The following KAZN variants were observed in gnomAD, a reference collection of about 807,000 sequenced individuals.
KAZN encodes the protein kazrin, periplakin interacting protein.
KAZN carries 40 observed loss-of-function variants against 87.4 expected under a neutral mutation model. The ratio of observed to expected loss-of-function variants is 0.46; its 90% CI spans 0.36 to 0.60. KAZN has a LOEUF of 0.60. KAZN is among the 20% of genes least tolerant of loss of function. The pLI is 0.00. For missense variants in KAZN, 898 were observed against 1,073.9 expected (o/e 0.84, Z 2.29); for synonymous variants, 466 against 458.3 (o/e 1.02, Z -0.22).
rs531347521 is a variant in KAZN at position 14,212,700 on chromosome 1, A to G, written c.249+32108A>G. ...AGTTGACAGCCACCAGCACCAGTGCAAGTCAGGACATCTTACTATTTCTAA... is the reference window on the plus strand; with the variant it reads ...AGTTGACAGCCACCAGCACCAGTGCGAGTCAGGACATCTTACTATTTCTAA... On this transcript the variant is annotated intron_variant, in intron 2 of 16. Coordinates refer to the KAZN transcript ENST00000636203. 4.6e-5 allele frequency among the ~76,000 whole-genome samples: 7 copies of G among 152,306 alleles called. No individual in the cohort carries two copies. In the South Asian group the frequency reaches 1.5e-3, roughly 32 times the overall value.
intron 1 of KAZN, among the ~76,000 whole-genome samples, chr1:14,782,284 C>T (rs899255198): frequency 2.0e-5 from 3 of 151,914 alleles, no homozygotes; most frequent in Non-Finnish European, 2.9e-5. Context: ...CGGTGGTTCC[C>T]GCCTGTAATC....
intron 2 of KAZN, among the ~76,000 whole-genome samples, chr1:14,436,726 A>AC (rs1445281679): frequency 7.7e-5 from 10 of 130,546 alleles, no homozygotes; most frequent in African/African-American, 2.1e-4. Context: ...TCAAAAAAAA[A>AC]AAAAAAAAAA....
intron 1 of KAZN, chr1:14,930,011 T>A: frequency 6.1e-6 from 6 of 985,522 alleles, no homozygotes; most frequent in Non-Finnish European, 7.2e-6. Context: ...GGCACCCAGT[T>A]TGGAGGAAAT....
At chr1:14,677,768 A>G (rs1405989776) in intron 1 of KAZN, among the ~76,000 whole-genome samples, 1 of 152,198 alleles carries the variant, frequency 6.6e-6, no homozygotes, top group Non-Finnish European at 1.5e-5. Context: ...CTAAGTCCAG[A>G]ATAGCCAGGG....
chr1:14,341,306 C>A (rs1260210526), intron 2 of KAZN, among the ~76,000 whole-genome samples: 2 of 152,198 alleles, frequency 1.3e-5, no homozygotes, highest in African/African-American at 4.8e-5. Flanking sequence ...TGTGATTTAT[C>A]AGATGTGACA....
intron 8 of KAZN, among the ~76,000 whole-genome samples, chr1:15,092,875 A>G (rs1036377460): frequency 2.0e-5 from 3 of 151,812 alleles, no homozygotes; most frequent in Non-Finnish European, 4.4e-5. Context: ...CCTTGATGCA[A>G]CGAACCATAT....
intron 8 of KAZN, among the ~76,000 whole-genome samples, chr1:15,086,888 A>G (rs1474221591): frequency 1.3e-5 from 2 of 152,264 alleles, no homozygotes; most frequent in African/African-American, 4.8e-5. Flanking sequence ...AGAATACCTC[A>G]GAATTATCTG....
chr1:14,623,598 C>T (rs1294715426), intron 1 of KAZN, among the ~76,000 whole-genome samples: 1 of 152,190 alleles, frequency 6.6e-6, no homozygotes, highest in African/African-American at 2.4e-5. Flanking sequence ...AACAAGCCTG[C>T]ACATGTACCC....
At chr1:14,419,199 G>A (rs1370033636) in intron 2 of KAZN, among the ~76,000 whole-genome samples, 3 of 152,212 alleles carry the variant, frequency 2.0e-5, no homozygotes, top group Admixed American at 6.5e-5. Flanking sequence ...TCTTTGCAGT[G>A]ACGCTGTGAG....
rs115110793 is a variant in KAZN at position 14,052,084 on chromosome 1, C to T, written c.92-128351C>T. On this transcript the variant is annotated intron_variant, in intron 1 of 16. Transcript: ENST00000636203. The stretch of plus-strand genomic sequence containing the variant: ...CTGTCCTCTTCCCTGCTGGAGAATA[C>T]GCTCCTTGATTCAGGACCCAAATCT... Among the ~76,000 whole-genome samples, 1,399 of 152,264 alleles carry T rather than the reference C, an allele frequency of 9.2e-3. 26 individuals are homozygous for T. Among genetic ancestry groups the T allele is most frequent in the African/African-American group, 0.031 (1,298 of 41,540 alleles).
intron 2 of KAZN, among the ~76,000 whole-genome samples, chr1:14,337,765 G>A (rs1374285731): frequency 6.6e-6 from 1 of 151,910 alleles, no homozygotes; most frequent in African/African-American, 2.4e-5. Flanking sequence ...GTGGTGGCGC[G>A]CATCTGTAAT....
chr1:14,702,365 T>TGTGTGTGTGTGG (rs1641975815), intron 1 of KAZN, among the ~76,000 whole-genome samples: 1 of 151,372 alleles, frequency 6.6e-6, no homozygotes. Flanking sequence ...TGTGTGTGTG[T>TGTGTGTGTGTGG]GGATTTCTCT....
intron 2 of KAZN, among the ~76,000 whole-genome samples, chr1:14,281,295 A>G (rs1172260752): frequency 3.3e-5 from 5 of 152,184 alleles, no homozygotes; most frequent in African/African-American, 1.2e-4. Context: ...GGCAAAGGCA[A>G]TTGAGGTGCA....
chr1:14,984,996 C>A (rs12747220), intron 2 of KAZN, among the ~76,000 whole-genome samples: 1 of 151,828 alleles, frequency 6.6e-6, no homozygotes, highest in African/African-American at 2.4e-5. Context: ...ATTAGCCAGG[C>A]GTGGTGGTGC....
chr1:14,507,894 G>C (rs1368375792), intron 2 of KAZN, among the ~76,000 whole-genome samples: 1 of 152,012 alleles, frequency 6.6e-6, no homozygotes, highest in African/African-American at 2.4e-5. Context: ...GTGAACCCGG[G>C]AGGTGGAGCT....
rs1359066434 is a variant in KAZN, at chr1:14,599,189, G to A, written c.192G>A (p.Ala64=). 5.7e-6 allele frequency: 8 copies of A among 1,393,700 alleles called. No individual in the cohort carries two copies. Among genetic ancestry groups the A allele is most frequent in the Non-Finnish European group, 7.4e-6 (8 of 1,075,848 alleles). 86.3% of individuals were successfully genotyped at this position (1,393,700 alleles called of 1,614,324 possible). A position where few individuals can be genotyped will look rare whatever the true frequency, so the allele number is the denominator to read the frequency against. The part of the protein sequence containing the change: ...ASASAAGDSA[A]TNMENPQLGA... Reference sequence around the variant, plus strand: ...CCTCGGCGGCGGGGGACTCGGCGGCGACGAACATGGAGAACCCCCAGCTTG... The same window carrying A: ...CCTCGGCGGCGGGGGACTCGGCGGCAACGAACATGGAGAACCCCCAGCTTG... Residue 64 remains alanine (A), a synonymous_variant, in exon 1 of 15, where the codon GCG becomes GCA. Transcript: ENST00000376030. The surrounding 1 kb of genome is among the most constrained non-coding windows in gnomAD (Gnocchi z 4.4).
chr1:14,602,500 G>A (rs1677058852), intron 1 of KAZN, among the ~76,000 whole-genome samples: 1 of 152,186 alleles, frequency 6.6e-6, no homozygotes, highest in South Asian at 2.1e-4. Context: ...ACAGAGCCAA[G>A]CATTTGTTCC....
At position 13,961,528 on chromosome 1, in the gene KAZN, C is replaced by T. The variant is rs114520952; in HGVS notation, c.91+67772C>T. On this transcript the variant is annotated intron_variant, in intron 1 of 16. Transcript: ENST00000636203. Reference sequence around the variant, plus strand: ...AGGCCCAAGGTGCCTTGTAGGGGTGCAATTGGTTTGTTCCCTTTCTCTCTG... The same window carrying T: ...AGGCCCAAGGTGCCTTGTAGGGGTGTAATTGGTTTGTTCCCTTTCTCTCTG... Among the ~76,000 whole-genome samples, 592 of 152,242 alleles carry T rather than the reference C, an allele frequency of 3.9e-3. 7 individuals are homozygous for T. The highest frequency in any genetic ancestry group is 0.014 in the African/African-American group (570 of 41,526).
At chr1:14,805,907 C>T (rs552494448) in intron 1 of KAZN, among the ~76,000 whole-genome samples, 8 of 152,050 alleles carry the variant, frequency 5.3e-5, no homozygotes, top group South Asian at 4.2e-4. Context: ...TGCTGGGAGG[C>T]GATTGCAGTG....
Sources: gnomAD v4.1 joint callset for allele counts (sites outside exome capture counted in the v4.1 genomes callset) on GRCh38, gnomAD v4.1.1 for gene constraint, Gnocchi (gnomAD v3.1) non-coding constraint, MANE v1.5 for transcripts, NCBI Gene and HGNC (gene_info 2026-07-23, HGNC 2026-07-21) for gene names.